Variants in C1orf167 observed in about 807,000 individuals in gnomAD.
The protein encoded by C1orf167 is uncharacterized protein C1orf167.
A neutral mutation model predicts 176.5 loss-of-function variants in C1orf167; 153 were observed. That is an observed-to-expected ratio of 0.87 (90% CI 0.76 to 0.99). The LOEUF is 0.99. Ranked by LOEUF, C1orf167 falls within the 50% of genes least tolerant of loss-of-function variation. The pLI is 0.00. For missense variants in C1orf167, 1,490 were observed against 1,817.7 expected, an observed-to-expected ratio of 0.82 and a Z score of 3.28; for synonymous variants, 594 against 752.7, an observed-to-expected ratio of 0.79 and a Z score of 3.45.
chr1:11,779,737 G>A, intron 12 of C1orf167, 65 bp from the exon 13 acceptor site: 1 of 1,170,106 alleles, frequency 8.5e-7, no homozygotes, highest in South Asian at 1.4e-5. Flanking sequence ...AAGGAGGGTG[G>A]GGCAGGGCTG....
At position 11,785,207 on chromosome 1, in the gene C1orf167, C is replaced by A; in HGVS notation, c.3485C>A (p.Thr1162Asn). 2.3e-6 allele frequency: 3 copies of A among 1,291,810 alleles called. No homozygotes were observed. Among genetic ancestry groups the A allele is most frequent in the Non-Finnish European group, 3.0e-6 (3 of 988,808 alleles). 80.0% of individuals were successfully genotyped at this position (1,291,810 alleles called of 1,614,324 possible). The change falls in exon 16 of 21, where the codon ACC becomes AAC. Residue 1162 changes from threonine to asparagine, a missense_variant. Thr to Asn is a moderately conservative substitution (Grantham distance 65). Coordinates refer to ENST00000688073, the MANE Select transcript of C1orf167 (RefSeq NM_001010881.2). ...GGCGGTGTCCAGCGAGCCATCCTCA[C>A]CCAGCTCCGGCCGGCTGAGCTCAGG... is the stretch of plus-strand genomic sequence containing the variant. ...VRGGVQRAIL[T>N]QLRPAELRRF... is the part of the protein sequence containing the mutation.
At chr1:11,770,972 T>TTGTGTGTGTG (rs753081071) in intron 6 of C1orf167, among the ~76,000 whole-genome samples, 2 of 78,546 alleles carry the variant, frequency 2.5e-5, no homozygotes, top group African/African-American at 7.8e-5. Context: ...ACTGGCTAAT[T>TTGTGTGTGTG]TGTGTGTGTG....
rs747705929 is a variant in C1orf167 at position 11,787,512 on chromosome 1, G to A, written c.3673+19G>A. On this transcript the variant is annotated intron_variant, in intron 17 of 20. Transcript: ENST00000688073. ...GCTCAGAGTAAGGAGACCTTGCCCC[G>A]GGGGACAAACGGTGTCTGAAGTGCA... 2.1e-5 allele frequency: 27 copies of A among 1,287,196 alleles called. No homozygotes were observed. The highest frequency in any genetic ancestry group is 1.5e-4 in the African/African-American group (10 of 65,432). The allele number at this position is 1,287,196 out of a possible 1,614,324, so 79.7% of individuals were successfully genotyped here. A position where few individuals can be genotyped will look rare whatever the true frequency, so the allele number is the denominator to read the frequency against.
intron 1 of C1orf167, among the ~76,000 whole-genome samples, chr1:11,763,396 GA>G (rs1192697536): frequency 1.3e-5 from 2 of 149,550 alleles, no homozygotes; most frequent in South Asian, 2.1e-4. Flanking sequence ...AGTGAGCCGG[GA>G]TCACGCCATT....
rs1327423953 is a variant in C1orf167, at chr1:11,788,763, G to A, written c.4173+17G>A. Reference sequence around the variant, plus strand: ...GGAAGATGGGTGGGTCCTTTCCCAGGTACTGCCCTCTTCCCTGCATTCCAC... The same window carrying A: ...GGAAGATGGGTGGGTCCTTTCCCAGATACTGCCCTCTTCCCTGCATTCCAC... On this transcript the variant is annotated intron_variant, in intron 20 of 20. Coordinates refer to ENST00000688073, the MANE Select transcript of C1orf167 (RefSeq NM_001010881.2). 2 of 1,302,808 alleles carry A rather than the reference G, an allele frequency of 1.5e-6. No homozygotes were observed. Among genetic ancestry groups the A allele is most frequent in the African/African-American group, 1.5e-5 (1 of 65,824 alleles). 80.7% of individuals were successfully genotyped at this position (1,302,808 alleles called of 1,614,324 possible).
Position 11,766,629 on chromosome 1 carries a change from C to T in C1orf167, c.843C>T (p.His281=). ...WTGGGQPFSA[H]PQPSQPVLAS... is the part of the protein sequence containing the mutation. ...GCGGCGGCCAGCCATTCTCCGCCCA[C>T]CCCCAGCCCAGCCAGCCTGTCCTTG... Residue 281 remains histidine (H), a synonymous_variant, in exon 3 of 21, where the codon CAC becomes CAT. Transcript: ENST00000688073. This position sits in a 1 kb window ranked among gnomAD's most constrained non-coding sequence, Gnocchi z 4.5. 1.6e-6 allele frequency: 2 copies of T among 1,286,722 alleles called. No individual in the cohort carries two copies. Among genetic ancestry groups the T allele is most frequent in the Non-Finnish European group, 2.0e-6 (2 of 987,082 alleles). The allele number at this position is 1,286,722 out of a possible 1,614,324, so 79.7% of individuals were successfully genotyped here.
At position 11,776,651 on chromosome 1, in the gene C1orf167, G is replaced by A. The variant is rs919926296; in HGVS notation, c.2339+13G>A. 13 of 1,195,688 alleles carry A rather than the reference G, an allele frequency of 1.1e-5. No homozygotes were observed. Among genetic ancestry groups the A allele is most frequent in the Middle Eastern group, 3.4e-4 (1 of 2,916 alleles). The allele number at this position is 1,195,688 out of a possible 1,614,324, so 74.1% of individuals were successfully genotyped here. On this transcript the variant is annotated intron_variant, in intron 10 of 20. Coordinates refer to ENST00000688073, the MANE Select transcript of C1orf167 (RefSeq NM_001010881.2). ...GCCAGTGGGCCAAGTAGGTGTCCTC[G>A]AGCTTGTGACCTGGGGTTGGGCCTG...
Position 11,772,257 on chromosome 1 carries a change from C to G in C1orf167, c.1986C>G (p.Cys662Trp), listed in dbSNP as rs1430152884. ...CCCAGCACCAGAGAGCTTGGCTGTG[C>G]AGGTAGGATGCCCTTCCCTTTTTTT... ...LSPQHQRAWLCRCFGAWQQFV... is the reference protein window; with the variant it reads ...LSPQHQRAWLWRCFGAWQQFV... The change falls in exon 8 of 21, where the codon TGC becomes TGG. Residue 662 changes from cysteine to tryptophan, a missense_variant and splice_region_variant. Transcript: ENST00000688073. 7.7e-7 allele frequency: 1 copy of G among 1,300,754 alleles called. No homozygotes were observed. Among genetic ancestry groups the G allele is most frequent in the Non-Finnish European group, 1.0e-6 (1 of 987,678 alleles). 80.6% of individuals were successfully genotyped at this position (1,300,754 alleles called of 1,614,324 possible).
chr1:11,787,159 T>C (rs1643895506), intron 16 of C1orf167: 1 of 205,120 alleles, frequency 4.9e-6, no homozygotes, highest in Non-Finnish European at 1.0e-5. Flanking sequence ...TTTGAAATGT[T>C]TTCAGTGGGG....
intron 14 of C1orf167, among the ~76,000 whole-genome samples, chr1:11,783,598 T>C (rs1430597383): frequency 3.9e-5 from 6 of 152,076 alleles, no homozygotes; most frequent in African/African-American, 1.4e-4. Flanking sequence ...GGTGTTCCTC[T>C]CCCTCACCAA....
At position 11,772,156 on chromosome 1, in the gene C1orf167, A is replaced by T; in HGVS notation, c.1885A>T (p.Thr629Ser). The T allele has an allele frequency of 7.7e-7, 1 of 1,304,346 alleles. No individual in the cohort carries two copies. Among genetic ancestry groups the T allele is most frequent in the South Asian group, 1.2e-5 (1 of 81,032 alleles). 80.8% of individuals were successfully genotyped at this position (1,304,346 alleles called of 1,614,324 possible). The change falls in exon 8 of 21, where the codon ACA becomes TCA. Residue 629 changes from threonine to serine, a missense_variant. Transcript: ENST00000688073. ...GACTCTGCGGAAGGCCACCAGGGCC[A>T]CACAGAGGACAGGGAGCTTCCCCCA... The part of the protein sequence containing the change: ...RETLRKATRA[T>S]QRTGSFPQAW...
intron 13 of C1orf167, 39 bp from the exon 14 acceptor site, chr1:11,782,148 GGT>G (rs1262461975): frequency 1.5e-5 from 18 of 1,235,898 alleles, no homozygotes; most frequent in Non-Finnish European, 1.9e-5. Context: ...GAGAGGCTGG[GGT>G]GAGCACCCAG....
Position 11,776,622 on chromosome 1 carries a change from CA to C in C1orf167, c.2324del (p.Gln775ArgfsTer21). 8.3e-7 allele frequency: 1 copy of C among 1,199,578 alleles called. No homozygotes were observed. Among genetic ancestry groups the C allele is most frequent in the Non-Finnish European group, 1.1e-6 (1 of 938,876 alleles). 74.3% of individuals were successfully genotyped at this position (1,199,578 alleles called of 1,614,324 possible). On this transcript the variant is annotated frameshift_variant, in exon 10 of 21. Transcript: ENST00000688073. LOFTEE classifies it high-confidence loss of function. ...GCTGCTGTGGAAGATGCGGCTTTTC[CA>C]GCGCCAGTGGGCCAAGTAGGTGTCC... The part of the protein sequence containing the change: ...ALLLWKMRLF[Q>X]RQWANSFFQG...
intron 8 of C1orf167, among the ~76,000 whole-genome samples, chr1:11,773,994 C>T (rs561386506): frequency 6.7e-6 from 1 of 149,986 alleles, no homozygotes. Context: ...GCCTCAAATT[C>T]CTAGGCTCAA....
intron 6 of C1orf167, among the ~76,000 whole-genome samples, chr1:11,769,549 C>T (rs774840860): frequency 1.3e-5 from 2 of 151,786 alleles, no homozygotes; most frequent in Non-Finnish European, 2.9e-5. Flanking sequence ...GCCTGGGCAA[C>T]AGGTCAAGAC....
chr1:11,787,615 T>G (rs898734167), intron 17 of C1orf167, 122 bp downstream of exon 17: 1 of 798,636 alleles, frequency 1.3e-6, no homozygotes, highest in Admixed American at 4.1e-5. Flanking sequence ...TTGACCATTC[T>G]CCCCATCCAT....
At chr1:11,773,099 C>A (rs1643159538) in intron 8 of C1orf167, among the ~76,000 whole-genome samples, 1 of 151,620 alleles carries the variant, frequency 6.6e-6, no homozygotes, top group South Asian at 2.1e-4. Context: ...CAGGGTTTCA[C>A]CATATTGGTC....
intron 9 of C1orf167, among the ~76,000 whole-genome samples, chr1:11,776,072 C>T (rs1418784022): frequency 3.9e-5 from 6 of 152,250 alleles, no homozygotes; most frequent in Non-Finnish European, 8.8e-5. Context: ...GCCTGGCCAA[C>T]GTGGTGAAAC....
Position 11,768,081 on chromosome 1 carries a change from CA to C in C1orf167, c.1349del (p.Gln450ArgfsTer14), listed in dbSNP as rs1311546233. Reference sequence around the variant, plus strand: ...TCAGCCCTGGTCTGTCCCCAGCTGGCAGCTGTTGTCCAGATGTTTTCGATCC... The same window carrying C: ...TCAGCCCTGGTCTGTCCCCAGCTGGCGCTGTTGTCCAGATGTTTTCGATCC... ...TAPESEAICW[Q>X]LLSRCFRSWR... On this transcript the variant is annotated frameshift_variant, in exon 5 of 21. Transcript: ENST00000688073. LOFTEE classifies it high-confidence loss of function. This position sits in a 1 kb window ranked among gnomAD's most constrained non-coding sequence, Gnocchi z 4.5. The C allele has an allele frequency of 1.1e-5, 14 of 1,285,404 alleles. No individual in the cohort carries two copies. In the African/African-American group the frequency reaches 2.1e-4, roughly 19 times the overall value. 79.6% of individuals were successfully genotyped at this position (1,285,404 alleles called of 1,614,324 possible).
Sources: gnomAD v4.1 joint callset for allele counts (sites outside exome capture counted in the v4.1 genomes callset) on GRCh38, gnomAD v4.1.1 for gene constraint, Gnocchi (gnomAD v3.1) non-coding constraint, MANE v1.5 for transcripts, NCBI Gene and HGNC (gene_info 2026-07-23, HGNC 2026-07-21) for gene names.